Variants in FER1L5 observed in about 807,000 individuals in gnomAD.
The protein encoded by FER1L5 is fer-1-like protein 5.
FER1L5 carries 187 observed loss-of-function variants against 279.9 expected under a neutral mutation model. The ratio of observed to expected loss-of-function variants is 0.67; its 90% confidence interval spans 0.59 to 0.75. The LOEUF is 0.75. Ranked by LOEUF, FER1L5 falls within the 30% of genes least tolerant of loss-of-function variation. The probability of loss-of-function intolerance (pLI) is 0.00; values close to 1 mark genes in which losing one functional copy is unlikely to be tolerated. For missense variants in FER1L5, 2,091 were observed against 2,594.4 expected, an observed-to-expected ratio of 0.81 and a Z score of 4.21; for synonymous variants, 921 against 989.7, an observed-to-expected ratio of 0.93 and a Z score of 1.30.
In FER1L5 at chr2:96,698,763, C is replaced by A; in HGVS notation, c.4449C>A (p.Pro1483=). 3.2e-6 allele frequency: 5 copies of A among 1,569,946 alleles called. No individual in the cohort carries two copies. The highest frequency in any genetic ancestry group is 3.5e-6 in the Non-Finnish European group (4 of 1,157,984). Residue 1483 remains proline (P), a synonymous_variant, in exon 41 of 53, where the codon CCC becomes CCA. Transcript: ENST00000624922. The surrounding 1 kb of genome is among the most constrained non-coding windows in gnomAD (Gnocchi z 5.5). ...TTTGGCCAGAGAGAGAGGACTTCCC[C>A]CAGCCGTGCTTGGTGCGGGTGTACA... ...FLVWPEREDF[P]QPCLVRVYMV... is the part of the protein sequence containing the mutation.
chr2:96,701,578 C>T (rs535159936), intron 45 of FER1L5, among the ~76,000 whole-genome samples: 8 of 152,096 alleles, frequency 5.3e-5, no homozygotes, highest in African/African-American at 1.7e-4. Flanking sequence ...TCCTCATACT[C>T]GAGGCTATCA....
chr2:96,652,147 G>A, intron 7 of FER1L5, 127 bp downstream of exon 7: 2 of 1,310,338 alleles, frequency 1.5e-6, no homozygotes, highest in East Asian at 2.5e-5. Context: ...TTTACTGAGT[G>A]TCTACTGAGG....
At chr2:96,644,176 A>T (rs2106400848) in intron 1 of FER1L5, among the ~76,000 whole-genome samples, 2 of 143,308 alleles carry the variant, frequency 1.4e-5, no homozygotes, top group Middle Eastern at 7.3e-3. Context: ...GGTGCCTTCA[A>T]AAAAAAAAAA....
Position 96,661,775 on chromosome 2 carries a change from A to C in FER1L5, c.1002A>C (p.Ala334=). 6.4e-7 allele frequency: 1 copy of C among 1,551,706 alleles called. No individual in the cohort carries two copies. The highest frequency in any genetic ancestry group is 8.7e-7 in the Non-Finnish European group (1 of 1,146,990). ...ACTTACAGCTCTTCATCTACTGCGCAGAGGACCTTCACCTCAGTTAGAGTC... is the reference window on the plus strand; with the variant it reads ...ACTTACAGCTCTTCATCTACTGCGCCGAGGACCTTCACCTCAGTTAGAGTC... ...MAYLQLFIYC[A]EDLHLKKHQS... Residue 334 remains alanine (A), a synonymous_variant, in exon 12 of 53, where the codon GCA becomes GCC. Transcript: ENST00000624922.
At chr2:96,656,723 G>C (rs1356924812) in intron 9 of FER1L5, among the ~76,000 whole-genome samples, 1 of 150,836 alleles carries the variant, frequency 6.6e-6, no homozygotes, top group Non-Finnish European at 1.5e-5. Context: ...TTATTCTGTT[G>C]GTCCTCTCTG....
At chr2:96,697,613 G>C (rs749032303) in intron 38 of FER1L5, 37 bp downstream of exon 38, 3 of 1,613,558 alleles carry the variant, frequency 1.9e-6, no homozygotes, top group Admixed American at 1.7e-5. Context: ...GCAGGGAGGT[G>C]GGGGGCTGCC....
chr2:96,650,065 G>C, intron 5 of FER1L5, 115 bp from the exon 6 acceptor site: 5 of 792,648 alleles, frequency 6.3e-6, no homozygotes, highest in Non-Finnish European at 8.5e-6. Flanking sequence ...GGGGCCTCTT[G>C]GCCATGCTTT....
intron 7 of FER1L5, chr2:96,652,309 C>G: frequency 2.4e-6 from 1 of 408,488 alleles, no homozygotes; most frequent in Non-Finnish European, 4.6e-6. Context: ...ATTGGAGGTT[C>G]GAAGCACAGA....
intron 14 of FER1L5, among the ~76,000 whole-genome samples, chr2:96,667,509 G>A (rs1292208682): frequency 4.6e-5 from 7 of 151,742 alleles, no homozygotes; most frequent in South Asian, 2.1e-4. Context: ...CACCACACCC[G>A]GCTAATTTTG....
At chr2:96,667,001 G>C (rs2076148974) in intron 14 of FER1L5, among the ~76,000 whole-genome samples, 1 of 152,116 alleles carries the variant, frequency 6.6e-6, no homozygotes, top group Non-Finnish European at 1.5e-5. Flanking sequence ...ATAATGCAGA[G>C]TGGAGATGGG....
chr2:96,696,060 GAGA>G lies in FER1L5; in HGVS notation c.4072_4074del (p.Lys1358del), dbSNP rs2077366637. ...GCGCTCTCCCCGCACAGCGCTGTCT[GAGA>G]AGAAGCACCAAGACGTAAGTAAGGG... On this transcript the variant is annotated inframe_deletion, in exon 37 of 53. Transcript: ENST00000624922. 1.9e-6 allele frequency: 3 copies of G among 1,613,908 alleles called. No individual in the cohort carries two copies. Among genetic ancestry groups the G allele is most frequent in the Non-Finnish European group, 1.7e-6 (2 of 1,179,896 alleles).
At chr2:96,669,213 G>A in intron 17 of FER1L5, 76 bp downstream of exon 17, 1 of 1,362,510 alleles carries the variant, frequency 7.3e-7, no homozygotes, top group Non-Finnish European at 9.9e-7. Flanking sequence ...CCTGGGACGT[G>A]CCCCGAGGCC....
chr2:96,696,021 T>C, intron 36 of FER1L5, 31 bp from the exon 37 acceptor site: 2 of 1,613,628 alleles, frequency 1.2e-6, no homozygotes, highest in Non-Finnish European at 1.7e-6. Flanking sequence ...CTCCCCATCC[T>C]GAGACTCGTC....
In FER1L5 at chr2:96,670,162, G is replaced by T. The variant is rs889450920; in HGVS notation, c.1406G>T (p.Arg469Leu). 12 of 1,551,584 alleles carry T rather than the reference G, an allele frequency of 7.7e-6. No individual in the cohort carries two copies. Among genetic ancestry groups the T allele is most frequent in the Non-Finnish European group, 1.0e-5 (12 of 1,146,962 alleles). The change falls in exon 18 of 53, where the codon CGA becomes CTA. Residue 469 changes from arginine to leucine, a missense_variant. Coordinates refer to ENST00000624922, the MANE Select transcript of FER1L5 (RefSeq NM_001293083.2). Reference protein sequence around the residue: ...SVRDGLAYRGRVFLELITQIK... With the variant: ...SVRDGLAYRGLVFLELITQIK... Reference sequence around the variant, plus strand: ...AGGGATGGTTTAGCTTATCGAGGCCGAGTCTTCCTGGAGTTAATCACCCAA... The same window carrying T: ...AGGGATGGTTTAGCTTATCGAGGCCTAGTCTTCCTGGAGTTAATCACCCAA...
At position 96,650,246 on chromosome 2, in the gene FER1L5, C is replaced by T. The variant is rs1376750377; in HGVS notation, c.461C>T (p.Ser154Phe). 2 of 1,551,744 alleles carry T rather than the reference C, an allele frequency of 1.3e-6. No individual in the cohort carries two copies. Among genetic ancestry groups the T allele is most frequent in the South Asian group, 2.4e-5 (2 of 84,068 alleles). Reference protein sequence around the residue: ...AASQKLMVPGSTAHRALSSKP... With the variant: ...AASQKLMVPGFTAHRALSSKP... ...AGTCAGAAACTGATGGTCCCTGGCTCCACTGCGCACAGGGCTCTGTCCTCA... is the reference window on the plus strand; with the variant it reads ...AGTCAGAAACTGATGGTCCCTGGCTTCACTGCGCACAGGGCTCTGTCCTCA... The change falls in exon 6 of 53, where the codon TCC becomes TTC. Residue 154 changes from serine to phenylalanine, a missense_variant. Coordinates refer to ENST00000624922, the MANE Select transcript of FER1L5 (RefSeq NM_001293083.2).
chr2:96,685,803 C>A, intron 21 of FER1L5, 137 bp from the exon 22 acceptor site: 1 of 1,125,056 alleles, frequency 8.9e-7, no homozygotes, highest in Non-Finnish European at 1.2e-6. Flanking sequence ...GTGGGAAGGG[C>A]TCCTGGGCCA....
intron 49 of FER1L5, 32 bp from the exon 50 acceptor site, chr2:96,703,121 C>T (rs149962120): frequency 1.2e-6 from 2 of 1,613,164 alleles, no homozygotes; most frequent in African/African-American, 2.7e-5. Flanking sequence ...ACAGGGAGCT[C>T]CTTCTTGCTG....
In FER1L5 at chr2:96,698,611, G is replaced by C. The variant is rs1173540027; in HGVS notation, c.4357-60G>C. On this transcript the variant is annotated intron_variant, in intron 40 of 52. Coordinates refer to ENST00000624922, the MANE Select transcript of FER1L5 (RefSeq NM_001293083.2). This position sits in a 1 kb window ranked among gnomAD's most constrained non-coding sequence, Gnocchi z 5.5. The stretch of plus-strand genomic sequence containing the variant: ...AACATGGGCTGGGGCACCTCCCAGA[G>C]GGCTTTACAGAGCTGGCCAGCACTG... 3 of 1,428,886 alleles carry C rather than the reference G, an allele frequency of 2.1e-6. No homozygotes were observed. The highest frequency in any genetic ancestry group is 2.9e-6 in the Non-Finnish European group (3 of 1,041,386). 88.5% of individuals were successfully genotyped at this position (1,428,886 alleles called of 1,614,324 possible).
intron 1 of FER1L5, among the ~76,000 whole-genome samples, chr2:96,644,174 C>CAAA (rs533711497): frequency 2.3e-5 from 2 of 88,038 alleles, no homozygotes. Flanking sequence ...GAGGTGCCTT[C>CAAA]AAAAAAAAAA....
Sources: gnomAD v4.1 joint callset for allele counts (sites outside exome capture counted in the v4.1 genomes callset) on GRCh38, gnomAD v4.1.1 for gene constraint, Gnocchi (gnomAD v3.1) non-coding constraint, MANE v1.5 for transcripts, NCBI Gene and HGNC (gene_info 2026-07-23, HGNC 2026-07-21) for gene names.